The following RABEP2 variants were observed in gnomAD, a reference collection of about 807,000 sequenced individuals.
The protein encoded by RABEP2 is rab GTPase-binding effector protein 2.
In RABEP2, 57 loss-of-function variants were observed where a neutral mutation model predicts 74.1. The ratio of observed to expected loss-of-function variants is 0.77; its 90% CI spans 0.62 to 0.96. RABEP2 has a LOEUF of 0.96. Ranked by LOEUF, RABEP2 falls within the 40% of genes least tolerant of loss-of-function variation. RABEP2 has a pLI of 0.00. For synonymous variants in RABEP2, 351 were observed against 344.0 expected, an observed-to-expected ratio of 1.02 and a Z score of -0.23; for missense variants, 692 against 756.3, an observed-to-expected ratio of 0.91 and a Z score of 1.00.
At position 28,914,527 on chromosome 16, in the gene RABEP2, C is replaced by T; in HGVS notation, c.603G>A (p.Arg201=). ...GAGGCTCCAGCGGGGGCGATGGATCCCGGGACAGGGGCAGCAACTCCGTGG... is the reference window on the plus strand; with the variant it reads ...GAGGCTCCAGCGGGGGCGATGGATCTCGGGACAGGGGCAGCAACTCCGTGG... The part of the protein sequence containing the change: ...HGSTELLPLS[R]DPSPPLEPLE... Residue 201 remains arginine (R), a synonymous_variant, in exon 5 of 13, where the codon CGG becomes CGA. Coordinates refer to ENST00000358201, the MANE Select transcript of RABEP2 (RefSeq NM_024816.3). 7 of 1,612,682 alleles carry T rather than the reference C, an allele frequency of 4.3e-6. No homozygotes were observed. The highest frequency in any genetic ancestry group is 5.9e-6 in the Non-Finnish European group (7 of 1,179,370).
At position 28,913,227 on chromosome 16, in the gene RABEP2, G is replaced by A. The variant is rs188843512; in HGVS notation, c.894+1009C>T. Among the ~76,000 whole-genome samples, 9 of 151,912 alleles carry A rather than the reference G, an allele frequency of 5.9e-5. No individual in the cohort carries two copies. In the East Asian group the frequency reaches 1.8e-3, roughly 30 times the overall value. On this transcript the variant is annotated intron_variant, in intron 5 of 12. Coordinates refer to ENST00000358201, the MANE Select transcript of RABEP2 (RefSeq NM_024816.3). ...TTACAGGCATGAGCCACCGCGCCCG[G>A]CCTGCCCCGGTCTTTAAGAGTACTT...
intron 7 of RABEP2, among the ~76,000 whole-genome samples, chr16:28,909,012 T>C (rs1013904252): frequency 1.6e-4 from 24 of 151,440 alleles, no homozygotes; most frequent in South Asian, 8.3e-4. Context: ...TATATATATA[T>C]ATATATATAT....
chr16:28,904,917 G>T lies in RABEP2; in HGVS notation c.*26C>A, dbSNP rs913016029. On this transcript the variant is annotated 3_prime_UTR_variant, in exon 13 of 13. Coordinates refer to ENST00000358201, the MANE Select transcript of RABEP2 (RefSeq NM_024816.3). The stretch of plus-strand genomic sequence containing the variant: ...GAGTGGGGAAAGGCGTCTTTCCCAG[G>T]GTGGGGGTGGGGATATCCTGACCCC... The T allele has an allele frequency of 3.9e-6, 6 of 1,552,598 alleles. No homozygotes were observed. In the Admixed American group the frequency reaches 6.8e-5, roughly 18 times the overall value.
At chr16:28,908,970 C>T (rs1364057816) in intron 7 of RABEP2, among the ~76,000 whole-genome samples, 1 of 151,422 alleles carries the variant, frequency 6.6e-6, no homozygotes, top group Non-Finnish European at 1.5e-5. Flanking sequence ...AGGCTGCTGC[C>T]AGGGCCCAAG....
chr16:28,924,697 CT>C, intron 1 of RABEP2, 82 bp from the exon 2 acceptor site: 1 of 1,282,730 alleles, frequency 7.8e-7, no homozygotes, highest in Non-Finnish European at 1.1e-6. Context: ...CAACCTAGTA[CT>C]GTTGCCTTCA....
At chr16:28,920,686 C>CT (rs113025754) in intron 2 of RABEP2, among the ~76,000 whole-genome samples, 11 of 150,894 alleles carry the variant, frequency 7.3e-5, no homozygotes, top group African/African-American at 1.5e-4. Context: ...GCTCCCAGCC[C>CT]TTTTTTTTTG....
intron 2 of RABEP2, among the ~76,000 whole-genome samples, chr16:28,922,886 T>G (rs1964484787): frequency 6.7e-6 from 1 of 149,868 alleles, no homozygotes; most frequent in Non-Finnish European, 1.5e-5. Flanking sequence ...AGTGAGACAC[T>G]GTCTCAGAAA....
intron 3 of RABEP2, among the ~76,000 whole-genome samples, chr16:28,918,644 G>A (rs1023854723): frequency 6.6e-6 from 1 of 151,544 alleles, no homozygotes; most frequent in Non-Finnish European, 1.5e-5. Flanking sequence ...AATAAAACCA[G>A]TCTGCCTAGA....
At chr16:28,908,561 G>T in intron 8 of RABEP2, 48 bp downstream of exon 8, 4 of 1,543,854 alleles carry the variant, frequency 2.6e-6, no homozygotes, top group Non-Finnish European at 3.5e-6. Flanking sequence ...CTGGGAAGAA[G>T]GGGCCCTCAC....
chr16:28,913,123 TGTCTCCATGTTG>T (rs926698319), intron 5 of RABEP2, among the ~76,000 whole-genome samples: 1 of 151,452 alleles, frequency 6.6e-6, no homozygotes, highest in African/African-American at 2.4e-5. Flanking sequence ...CCACCATGCT[TGTCTCCATGTTG>T]GTCAGGCTGG....
Position 28,904,628 on chromosome 16 carries a change from G to T in RABEP2, c.*315C>A. 1.1e-6 allele frequency: 1 copy of T among 951,442 alleles called. No individual in the cohort carries two copies. Among genetic ancestry groups the T allele is most frequent in the East Asian group, 3.6e-5 (1 of 27,740 alleles). The allele number at this position is 951,442 out of a possible 1,614,324, so 58.9% of individuals were successfully genotyped here. A position where few individuals can be genotyped will look rare whatever the true frequency, so the allele number is the denominator to read the frequency against. Reference sequence around the variant, plus strand: ...CATGGCTCCGCTGTGCCCTGGGCAGGGGACGGGCTGGGGGCAGGGGAGGGC... The same window carrying T: ...CATGGCTCCGCTGTGCCCTGGGCAGTGGACGGGCTGGGGGCAGGGGAGGGC... On this transcript the variant is annotated 3_prime_UTR_variant, in exon 13 of 13. Transcript: ENST00000358201.
In RABEP2 at chr16:28,905,088, C is replaced by T. The variant is rs775800802; in HGVS notation, c.1609-44G>A. ...GGAGCAGAGTGCACTTGTGGGGAAA[C>T]GCAGCCCCTACCCCACCTGCCAGCC... On this transcript the variant is annotated intron_variant, in intron 12 of 12. Transcript: ENST00000358201. The T allele has an allele frequency of 9.9e-6, 15 of 1,514,866 alleles. No individual in the cohort carries two copies. The South Asian group carries it at 1.3e-4, about 13-fold the overall frequency. The allele number at this position is 1,514,866 out of a possible 1,614,324, so 93.8% of individuals were successfully genotyped here. A position where few individuals can be genotyped will look rare whatever the true frequency, so the allele number is the denominator to read the frequency against.
intron 5 of RABEP2, among the ~76,000 whole-genome samples, chr16:28,911,857 G>A (rs902946747): frequency 9.9e-5 from 15 of 152,112 alleles, no homozygotes; most frequent in African/African-American, 1.4e-4. Flanking sequence ...GCTGAGGCAG[G>A]AGAATCGCTT....
chr16:28,916,948 C>T (rs1303912422), intron 3 of RABEP2, among the ~76,000 whole-genome samples: 1 of 149,262 alleles, frequency 6.7e-6, no homozygotes, highest in East Asian at 2.0e-4. Flanking sequence ...GAGATGGCAC[C>T]ACTGCACTCC....
chr16:28,911,159 G>T lies in RABEP2; in HGVS notation c.915C>A (p.Asp305Glu). ...LQTEGRQLQK[D>E]LESVSRERDE... ...CCCGCTCGCGACTGACGCTCTCCAG[G>T]TCCTTCTGCAGCTGTCGGCCCTGCC... The change falls in exon 6 of 13, where the codon GAC becomes GAA. Residue 305 changes from aspartate to glutamate, a missense_variant. By Grantham distance (45) the Asp-to-Glu change is conservative. Coordinates refer to ENST00000358201, the MANE Select transcript of RABEP2 (RefSeq NM_024816.3). The T allele has an allele frequency of 6.2e-7, 1 of 1,611,462 alleles. No individual in the cohort carries two copies.
At position 28,904,845 on chromosome 16, in the gene RABEP2, C is replaced by T. The variant is rs997245816; in HGVS notation, c.*98G>A. On this transcript the variant is annotated 3_prime_UTR_variant, in exon 13 of 13. Coordinates refer to ENST00000358201, the MANE Select transcript of RABEP2 (RefSeq NM_024816.3). The stretch of plus-strand genomic sequence containing the variant: ...GTCCCCTCAACCCCAGTCTCAGGGA[C>T]GGTGGAAAAGCCATCCAAGACCCCA... 2.7e-4 allele frequency: 250 copies of T among 916,324 alleles called. 9 individuals carry two copies. The South Asian group carries it at 3.7e-3, about 14-fold the overall frequency. 56.8% of individuals were successfully genotyped at this position (916,324 alleles called of 1,614,324 possible).
intron 3 of RABEP2, among the ~76,000 whole-genome samples, chr16:28,915,708 C>A (rs1183870034): frequency 2.0e-5 from 3 of 151,810 alleles, no homozygotes; most frequent in Non-Finnish European, 4.4e-5. Flanking sequence ...CCACGCCCGG[C>A]TAATTTTTGT....
rs1247628562 is a variant in RABEP2, at chr16:28,919,834, C to T, written c.384G>A (p.Leu128=). ...AGTCCAGGGGGTAGGCCCGGGACAG[C>T]AGCTGCTTCAGGCGGCCCAGCTCCC... The part of the protein sequence containing the change: ...KERELGRLKQ[L]LSRAYPLDSL... Residue 128 remains leucine, a synonymous_variant, in exon 3 of 13, where the codon CTG becomes CTA. Coordinates refer to ENST00000358201, the MANE Select transcript of RABEP2 (RefSeq NM_024816.3). 6.2e-7 allele frequency: 1 copy of T among 1,612,026 alleles called. No homozygotes were observed. The highest frequency in any genetic ancestry group is 1.7e-5 in the Admixed American group (1 of 59,976).
chr16:28,913,451 T>A (rs1964340725), intron 5 of RABEP2, among the ~76,000 whole-genome samples: 1 of 152,184 alleles, frequency 6.6e-6, no homozygotes, highest in African/African-American at 2.4e-5. Context: ...TTACCCATGT[T>A]AAATATACAA....
Sources: gnomAD v4.1 joint callset for allele counts (sites outside exome capture counted in the v4.1 genomes callset) on GRCh38, gnomAD v4.1.1 for gene constraint, MANE v1.5 for transcripts, NCBI Gene and HGNC (gene_info 2026-07-23, HGNC 2026-07-21) for gene names.